Variants in HDAC4 observed in about 807,000 individuals in gnomAD.
The protein encoded by HDAC4 is histone deacetylase A.
Under a neutral mutation model 135.1 loss-of-function variants are expected in HDAC4, and 16 were observed. That is an observed-to-expected ratio of 0.12 (90% CI 0.08 to 0.18). The LOEUF is 0.18. Ranked by LOEUF, HDAC4 falls within the 10% of genes least tolerant of loss-of-function variation. The probability of loss-of-function intolerance (pLI) is 1.00; values close to 1 mark genes in which losing one functional copy is unlikely to be tolerated. For synonymous variants in HDAC4, 685 were observed against 653.4 expected (o/e 1.05, Z -0.74); for missense variants, 1,143 against 1,511.8 (o/e 0.76, Z 4.05).
chr2:239,298,715 G>A (rs978361098), intron 2 of HDAC4: 1 of 651,024 alleles, frequency 1.5e-6, no homozygotes, highest in Non-Finnish European at 1.9e-6. Context: ...CCACCTACAG[G>A]GGCTAGGCTA....
At position 239,134,237 on chromosome 2, in the gene HDAC4, G is replaced by C. The variant is rs1425006513; in HGVS notation, c.1294+8C>G. The C allele has an allele frequency of 3.7e-6, 6 of 1,607,608 alleles. No individual in the cohort carries two copies. The highest frequency in any genetic ancestry group is 5.1e-6 in the Non-Finnish European group (6 of 1,179,006). On this transcript the variant is annotated splice_region_variant and intron_variant, in intron 11 of 26. Transcript: ENST00000543185. ...AGCCTGGCTGCACCCAGGCCCATTT[G>C]TGCTCACCTGTGACGAGGGGTGCTT...
At position 239,349,478 on chromosome 2, in the gene HDAC4, G is replaced by T. The variant is rs1334910637; in HGVS notation, c.22+3200C>A. Among the ~76,000 whole-genome samples, 1 of 152,248 alleles carries T rather than the reference G, an allele frequency of 6.6e-6. No individual in the cohort carries two copies. The highest frequency in any genetic ancestry group is 1.9e-4 in the East Asian group (1 of 5,200). ...GCACTTCCAGCAATGCCTGGGAGCG[G>T]ACGGACAGGTGCATCAGCTGACAAG... On this transcript the variant is annotated intron_variant, in intron 2 of 26. Transcript: ENST00000543185. This position sits in a 1 kb window ranked among gnomAD's most constrained non-coding sequence, Gnocchi z 5.7.
chr2:239,249,990 C>T (rs932609491), intron 2 of HDAC4, among the ~76,000 whole-genome samples: 4 of 152,192 alleles, frequency 2.6e-5, no homozygotes, highest in Admixed American at 6.5e-5. Flanking sequence ...GCTCTGCTTC[C>T]GGGCCTCCCG....
rs2049414869 is a variant in HDAC4 at position 239,262,205 on chromosome 2, A to T, written c.23-25541T>A. ...ACAAGGTATCCACGTGGCTTTTTAT[A>T]AGCTAGTATTTCCTCCTGTGGTGTC... On this transcript the variant is annotated intron_variant, in intron 2 of 26. Coordinates refer to ENST00000543185, the MANE Select transcript of HDAC4 (RefSeq NM_001378414.1). This position sits in a 1 kb window ranked among gnomAD's most constrained non-coding sequence, Gnocchi z 4.1. Among the ~76,000 whole-genome samples the T allele has an allele frequency of 6.6e-6, 1 of 152,152 alleles. No individual in the cohort carries two copies. The highest frequency in any genetic ancestry group is 1.9e-4 in the East Asian group (1 of 5,188).
At chr2:239,218,073 C>A (rs1293200924) in intron 3 of HDAC4, among the ~76,000 whole-genome samples, 2 of 152,178 alleles carry the variant, frequency 1.3e-5, no homozygotes, top group Admixed American at 1.3e-4. Context: ...GCCTGGGCGA[C>A]AGAGTGAGGC....
chr2:239,152,536 C>T (rs1374615409), intron 7 of HDAC4, among the ~76,000 whole-genome samples: 1 of 152,238 alleles, frequency 6.6e-6, no homozygotes, highest in East Asian at 1.9e-4. Context: ...GGACCTGAGG[C>T]CCTGGGTAGA....
chr2:239,173,568 AC>A (rs2043583911), intron 5 of HDAC4, among the ~76,000 whole-genome samples: 1 of 152,208 alleles, frequency 6.6e-6, no homozygotes, highest in South Asian at 2.1e-4. Context: ...CAAAGCCCCT[AC>A]AGAAAACATG....
chr2:239,396,555 A>G (rs972349512), intron 1 of HDAC4, among the ~76,000 whole-genome samples: 9 of 152,188 alleles, frequency 5.9e-5, no homozygotes, highest in African/African-American at 2.2e-4. Context: ...CAATGATTCA[A>G]TGTTCATACG....
chr2:239,200,769 G>A (rs1343406682), intron 3 of HDAC4, among the ~76,000 whole-genome samples: 3 of 152,086 alleles, frequency 2.0e-5, no homozygotes, highest in Admixed American at 6.6e-5. Flanking sequence ...AGAGAGACGC[G>A]TCACAGGCAG....
chr2:239,113,659 A>G (rs2152805151), intron 13 of HDAC4, among the ~76,000 whole-genome samples: 1 of 152,328 alleles, frequency 6.6e-6, no homozygotes, highest in East Asian at 1.9e-4. Flanking sequence ...ATTAATGTAA[A>G]TAGTTTCCCA....
chr2:239,081,277 ATGGGCTCGGCCTTGGTGGGCCCCTGGG>A (rs2035296598), intron 21 of HDAC4, 85 bp from the exon 22 acceptor site: 1 of 1,169,268 alleles, frequency 8.6e-7, no homozygotes, highest in African/African-American at 1.5e-5. Flanking sequence ...TGGCACCGGG[ATGGGCTCGGCCTTGGTGGGCCCCTGGG>A]GAGAGCCCAC....
At chr2:239,159,366 TCACACC>T (rs1218045003) in intron 6 of HDAC4, among the ~76,000 whole-genome samples, 3 of 110,726 alleles carry the variant, frequency 2.7e-5, no homozygotes, top group Non-Finnish European at 5.7e-5. Flanking sequence ...CACACCCACC[TCACACC>T]CACACCCCCC....
chr2:239,333,941 G>A (rs1691752438), intron 2 of HDAC4, among the ~76,000 whole-genome samples: 1 of 152,154 alleles, frequency 6.6e-6, no homozygotes, highest in South Asian at 2.1e-4. Flanking sequence ...TGATATAGAT[G>A]CCTACTATTA....
chr2:239,177,871 G>A (rs1028891172), intron 4 of HDAC4, among the ~76,000 whole-genome samples: 64 of 152,290 alleles, frequency 4.2e-4, no homozygotes, highest in African/African-American at 1.3e-3. Flanking sequence ...TTTCACTCAC[G>A]GTATCGGAAA....
rs1175410950 is a variant in HDAC4, at chr2:239,050,175, C to G, written c.*2922G>C. On this transcript the variant is annotated 3_prime_UTR_variant, in exon 27 of 27. Transcript: ENST00000543185. Reference sequence around the variant, plus strand: ...CATTTGTGAAGCTGGAGTGAGCTGACAGATGAAACGTGCCTCCCCCTGCCA... The same window carrying G: ...CATTTGTGAAGCTGGAGTGAGCTGAGAGATGAAACGTGCCTCCCCCTGCCA... 1 of 152,574 alleles carries G rather than the reference C, an allele frequency of 6.6e-6. No homozygotes were observed. Among genetic ancestry groups the G allele is most frequent in the Non-Finnish European group, 1.5e-5 (1 of 68,076 alleles). The allele number at this position is 152,574 out of a possible 1,614,324, so 9.5% of individuals were successfully genotyped here. A position where few individuals can be genotyped will look rare whatever the true frequency, so the allele number is the denominator to read the frequency against.
chr2:239,335,514 A>C (rs1691874771), intron 2 of HDAC4, among the ~76,000 whole-genome samples: 1 of 150,174 alleles, frequency 6.7e-6, no homozygotes, highest in Non-Finnish European at 1.5e-5. Context: ...TCAGCAAAAA[A>C]AAAAAAAAAA....
intron 3 of HDAC4, among the ~76,000 whole-genome samples, chr2:239,210,091 C>T (rs2046280564): frequency 6.6e-6 from 1 of 152,160 alleles, no homozygotes; most frequent in Non-Finnish European, 1.5e-5. Context: ...CAAGCCCTCT[C>T]CTTAGGACAG....
intron 2 of HDAC4, among the ~76,000 whole-genome samples, chr2:239,320,758 A>C (rs2053281853): frequency 6.6e-6 from 1 of 152,218 alleles, no homozygotes; most frequent in South Asian, 2.1e-4. Context: ...GTGCTACCGT[A>C]AGGTCAACCT....
intron 3 of HDAC4, among the ~76,000 whole-genome samples, chr2:239,235,645 G>A (rs984411961): frequency 6.6e-6 from 1 of 152,254 alleles, no homozygotes; most frequent in Non-Finnish European, 1.5e-5. Context: ...CTCACAAGGA[G>A]TTTAAACCCT....
Sources: gnomAD v4.1 joint callset for allele counts (sites outside exome capture counted in the v4.1 genomes callset) on GRCh38, gnomAD v4.1.1 for gene constraint, Gnocchi (gnomAD v3.1) non-coding constraint, MANE v1.5 for transcripts, NCBI Gene and HGNC (gene_info 2026-07-23, HGNC 2026-07-21) for gene names.